GNG7: variants seen among roughly 807,000 people sequenced by gnomAD.
GNG7 encodes G protein subunit gamma 7.
A neutral mutation model predicts 4.0 loss-of-function variants in GNG7; 1 was observed. That is an observed-to-expected ratio of 0.25 (90% CI 0.09 to 1.18). The LOEUF is 1.18. GNG7 is among the 50% of genes most tolerant of loss of function. The pLI, the probability that GNG7 is intolerant of heterozygous loss-of-function variation, is 0.50. For synonymous variants in GNG7, 34 were observed against 36.9 expected (o/e 0.92, Z 0.29); for missense variants, 86 against 91.9 (o/e 0.94, Z 0.26).
At chr19:2,627,207 G>C (rs1430780831) in intron 2 of GNG7, among the ~76,000 whole-genome samples, 1 of 151,738 alleles carries the variant, frequency 6.6e-6, no homozygotes, top group Non-Finnish European at 1.5e-5. Context: ...GGGACGCTGG[G>C]TGATGTCTGG....
chr19:2,567,892 G>A (rs898995443), intron 2 of GNG7, among the ~76,000 whole-genome samples: 1 of 152,156 alleles, frequency 6.6e-6, no homozygotes, highest in South Asian at 2.1e-4. Flanking sequence ...GGCACCACGC[G>A]CTCAGGCATG....
chr19:2,536,696 T>C (rs1266655486), intron 3 of GNG7, among the ~76,000 whole-genome samples: 1 of 152,132 alleles, frequency 6.6e-6, no homozygotes, highest in Non-Finnish European at 1.5e-5. Flanking sequence ...GACCTGGTTC[T>C]GAGCACGTCC....
chr19:2,673,430 C>T (rs1316601026), intron 1 of GNG7, among the ~76,000 whole-genome samples: 1 of 150,438 alleles, frequency 6.6e-6, no homozygotes, highest in Non-Finnish European at 1.5e-5. Context: ...CCGTGGCTCA[C>T]GCCTGTAATC....
chr19:2,665,903 C>G (rs1481757294), intron 1 of GNG7, among the ~76,000 whole-genome samples: 1 of 152,116 alleles, frequency 6.6e-6, no homozygotes, highest in Admixed American at 6.6e-5. Flanking sequence ...GAGTCTTGCT[C>G]TGTCATCCAG....
intron 4 of GNG7, among the ~76,000 whole-genome samples, chr19:2,517,737 C>T (rs1568229015): frequency 6.6e-6 from 1 of 152,202 alleles, no homozygotes; most frequent in Non-Finnish European, 1.5e-5. Flanking sequence ...GTCTCGAACT[C>T]CTAGGCTCAG....
At chr19:2,522,737 G>A (rs1464161076) in intron 3 of GNG7, among the ~76,000 whole-genome samples, 1 of 87,682 alleles carries the variant, frequency 1.1e-5, no homozygotes, top group Non-Finnish European at 2.0e-5. Flanking sequence ...GGGGGACAGA[G>A]TGAGACTCTG....
intron 1 of GNG7, among the ~76,000 whole-genome samples, chr19:2,647,524 C>T (rs555281836): frequency 1.1e-4 from 17 of 152,042 alleles, no homozygotes; most frequent in Middle Eastern, 3.2e-3. Context: ...GCGAGTCGCC[C>T]CATCTCTACA....
At chr19:2,568,767 TACACATAAATACACATAC>T (rs1358567725) in intron 2 of GNG7, among the ~76,000 whole-genome samples, 1 of 147,836 alleles carries the variant, frequency 6.8e-6, no homozygotes, top group Admixed American at 6.7e-5. Context: ...CATACACATA[TACACATAAATACACATAC>T]ACACATATAC....
chr19:2,561,425 A>G (rs1979737797), intron 2 of GNG7, among the ~76,000 whole-genome samples: 1 of 152,010 alleles, frequency 6.6e-6, no homozygotes, highest in Admixed American at 6.6e-5. Context: ...GTCCTGTCAC[A>G]GTTTTGGTGT....
At chr19:2,591,772 A>C (rs770262457) in intron 2 of GNG7, among the ~76,000 whole-genome samples, 16 of 152,192 alleles carry the variant, frequency 1.1e-4, no homozygotes, top group East Asian at 5.8e-4. Context: ...TCAATAGCCA[A>C]ATAGAAGATA....
chr19:2,621,634 T>C (rs930509264), intron 2 of GNG7, among the ~76,000 whole-genome samples: 2 of 149,952 alleles, frequency 1.3e-5, no homozygotes, highest in Non-Finnish European at 3.0e-5. Context: ...GAGGCAGAGG[T>C]TGCAGTGAGC....
intron 4 of GNG7, among the ~76,000 whole-genome samples, chr19:2,518,033 G>A (rs565721068): frequency 2.6e-5 from 4 of 152,288 alleles, no homozygotes; most frequent in South Asian, 2.1e-4. Context: ...CGGCCCTCCT[G>A]GACGACAGAA....
intron 2 of GNG7, among the ~76,000 whole-genome samples, chr19:2,594,454 A>G (rs899497984): frequency 1.3e-4 from 17 of 134,684 alleles, no homozygotes; most frequent in Non-Finnish European, 1.6e-4. Context: ...AAGGAGGAAG[A>G]AAGAAACTGC....
chr19:2,551,803 C>T, intron 3 of GNG7, among the ~76,000 whole-genome samples: 1 of 152,012 alleles, frequency 6.6e-6, no homozygotes, highest in Non-Finnish European at 1.5e-5. Flanking sequence ...TCTGCCTCAG[C>T]CTCCCAAGTA....
At chr19:2,602,315 C>T (rs973669325) in intron 2 of GNG7, among the ~76,000 whole-genome samples, 1 of 151,546 alleles carries the variant, frequency 6.6e-6, no homozygotes, top group African/African-American at 2.4e-5. Flanking sequence ...CCAGCCTGGG[C>T]GACAGAGCGA....
chr19:2,516,714 G>C lies in GNG7; in HGVS notation c.82-1567C>G, dbSNP rs1015965660. Among the ~76,000 whole-genome samples, 14 of 152,290 alleles carry C rather than the reference G, an allele frequency of 9.2e-5. No individual in the cohort carries two copies. In the East Asian group the frequency reaches 2.7e-3, roughly 29 times the overall value. Reference sequence around the variant, plus strand: ...TTGATGAGCTTGAGGGAGGTTTCACGGTGACACCCGGCCAGGGGGCTGGGC... The same window carrying C: ...TTGATGAGCTTGAGGGAGGTTTCACCGTGACACCCGGCCAGGGGGCTGGGC... On this transcript the variant is annotated intron_variant, in intron 4 of 4. Transcript: ENST00000382159.
intron 1 of GNG7, among the ~76,000 whole-genome samples, chr19:2,661,516 A>G (rs1259688346): frequency 6.6e-6 from 1 of 151,750 alleles, no homozygotes; most frequent in Non-Finnish European, 1.5e-5. Context: ...TATAAAAATT[A>G]GCCAGTAATT....
chr19:2,622,380 C>T (rs1417462129), intron 2 of GNG7, among the ~76,000 whole-genome samples: 1 of 152,204 alleles, frequency 6.6e-6, no homozygotes, highest in Non-Finnish European at 1.5e-5. Context: ...CGCCCGGCTC[C>T]TGGTGGTTTT....
At position 2,633,388 on chromosome 19, in the gene GNG7, C is replaced by T. The variant is rs901399950; in HGVS notation, c.-78+12836G>A. Among the ~76,000 whole-genome samples, 2 of 152,232 alleles carry T rather than the reference C, an allele frequency of 1.3e-5. No individual in the cohort carries two copies. Among genetic ancestry groups the T allele is most frequent in the South Asian group, 4.1e-4 (2 of 4,830 alleles). On this transcript the variant is annotated intron_variant, in intron 2 of 4. Coordinates refer to ENST00000382159, the MANE Select transcript of GNG7 (RefSeq NM_052847.3). This position sits in a 1 kb window ranked among gnomAD's most constrained non-coding sequence, Gnocchi z 5.9. ...TTTTGAGTCAAAGGCGGCCAAGGCT[C>T]GATGAATCTGCCGATGACCAAGTTG...
Sources: gnomAD v4.1 joint callset for allele counts (sites outside exome capture counted in the v4.1 genomes callset) on GRCh38, gnomAD v4.1.1 for gene constraint, Gnocchi (gnomAD v3.1) non-coding constraint, MANE v1.5 for transcripts, NCBI Gene and HGNC (gene_info 2026-07-23, HGNC 2026-07-21) for gene names.